The following GRM7 variants were observed in gnomAD, a reference collection of about 807,000 sequenced individuals.
The protein encoded by GRM7 is glutamate metabotropic receptor 7, also known as metabotropic glutamate receptor 7.
A neutral mutation model predicts 84.5 loss-of-function variants in GRM7; 35 were observed. That is an observed-to-expected ratio of 0.41 (90% CI 0.32 to 0.55). The LOEUF (loss-of-function observed/expected upper bound fraction) is 0.55. Ranked by LOEUF, GRM7 falls within the 20% of genes least tolerant of loss-of-function variation. GRM7 has a pLI of 0.19. For missense variants in GRM7, 1,003 were observed against 1,194.6 expected (o/e 0.84, Z 2.36); for synonymous variants, 487 against 455.1 (o/e 1.07, Z -0.89).
chr3:7,304,960 G>C (rs142886163), intron 3 of GRM7, among the ~76,000 whole-genome samples: 21 of 152,068 alleles, frequency 1.4e-4, no homozygotes, highest in Admixed American at 1.3e-4. Flanking sequence ...CTGTGCCCAC[G>C]GGCAGTGCAT....
chr3:7,230,614 C>T (rs757895357), intron 2 of GRM7, among the ~76,000 whole-genome samples: 2 of 152,100 alleles, frequency 1.3e-5, no homozygotes, highest in Non-Finnish European at 2.9e-5. Context: ...TAAGTAGAAA[C>T]TAGGGCATAG....
At chr3:7,662,153 ATAG>A (rs1326219065) in intron 8 of GRM7, among the ~76,000 whole-genome samples, 1 of 152,264 alleles carries the variant, frequency 6.6e-6, no homozygotes, top group Non-Finnish European at 1.5e-5. Context: ...GAGACAAAAA[ATAG>A]TAGTTATCAT....
chr3:6,936,387 G>T (rs772267170), intron 1 of GRM7, among the ~76,000 whole-genome samples: 1 of 152,130 alleles, frequency 6.6e-6, no homozygotes, highest in Non-Finnish European at 1.5e-5. Context: ...CAGTTGTACC[G>T]GTGTGGCACC....
intron 7 of GRM7, among the ~76,000 whole-genome samples, chr3:7,547,063 A>G (rs954219209): frequency 1.3e-5 from 2 of 152,110 alleles, no homozygotes; most frequent in African/African-American, 4.8e-5. Context: ...CCCAAGGCCT[A>G]AACTAGGACG....
chr3:7,230,326 T>C (rs1002777329), intron 2 of GRM7, among the ~76,000 whole-genome samples: 1 of 152,124 alleles, frequency 6.6e-6, no homozygotes, highest in South Asian at 2.1e-4. Context: ...ATGCTTATTG[T>C]TTTGTAGGAA....
chr3:7,133,508 C>T (rs1693671224), intron 1 of GRM7, among the ~76,000 whole-genome samples: 1 of 152,204 alleles, frequency 6.6e-6, no homozygotes, highest in South Asian at 2.1e-4. Context: ...CAAAGCATTA[C>T]CTAGCCCAAA....
intron 7 of GRM7, among the ~76,000 whole-genome samples, chr3:7,538,434 T>C (rs779744): frequency 0.62 from 93,548 of 152,102 alleles, 29,777 homozygotes; most frequent in African/African-American, 0.79. Flanking sequence ...TTGATACTCA[T>C]GACTTTGTCT....
At chr3:7,614,668 C>T (rs1321375152) in intron 8 of GRM7, among the ~76,000 whole-genome samples, 2 of 152,142 alleles carry the variant, frequency 1.3e-5, no homozygotes, top group African/African-American at 4.8e-5. Flanking sequence ...TTTTTCTCTT[C>T]CACATTAACC....
chr3:7,447,012 G>A (rs1261924758), intron 5 of GRM7, among the ~76,000 whole-genome samples: 1 of 151,462 alleles, frequency 6.6e-6, no homozygotes, highest in Non-Finnish European at 1.5e-5. Context: ...TCAACAGAAG[G>A]TTAAAAGAGT....
At chr3:7,120,701 A>C (rs1020773502) in intron 1 of GRM7, among the ~76,000 whole-genome samples, 4 of 152,158 alleles carry the variant, frequency 2.6e-5, no homozygotes, top group African/African-American at 7.2e-5. Flanking sequence ...AACCAACAAC[A>C]ATCACAAATG....
At chr3:7,008,623 C>A (rs1695259754) in intron 1 of GRM7, among the ~76,000 whole-genome samples, 1 of 152,158 alleles carries the variant, frequency 6.6e-6, no homozygotes, top group Non-Finnish European at 1.5e-5. Flanking sequence ...AAGAAGAAAA[C>A]AACTTGATGA....
At chr3:7,000,497 C>T (rs1694976563) in intron 1 of GRM7, among the ~76,000 whole-genome samples, 1 of 152,002 alleles carries the variant, frequency 6.6e-6, no homozygotes, top group East Asian at 1.9e-4. Context: ...GAGCATGTGA[C>T]ATTTTTAAAA....
intron 1 of GRM7, among the ~76,000 whole-genome samples, chr3:6,966,967 AATG>A (rs1237034515): frequency 1.3e-5 from 2 of 152,144 alleles, no homozygotes; most frequent in Non-Finnish European, 2.9e-5. Flanking sequence ...CTTACAAAAT[AATG>A]ATGAAGATTA....
At chr3:7,420,351 T>C (rs973446269) in intron 5 of GRM7, among the ~76,000 whole-genome samples, 2 of 152,202 alleles carry the variant, frequency 1.3e-5, no homozygotes, top group Non-Finnish European at 2.9e-5. Context: ...AGATGTTTTA[T>C]TGCAGCACCT....
intron 1 of GRM7, among the ~76,000 whole-genome samples, chr3:6,883,360 A>C (rs1475891426): frequency 6.6e-6 from 1 of 152,114 alleles, no homozygotes; most frequent in Non-Finnish European, 1.5e-5. Flanking sequence ...GAAATTCTTT[A>C]ATATTGTCTA....
chr3:7,064,420 T>C (rs1345645271), intron 1 of GRM7, among the ~76,000 whole-genome samples: 1 of 142,386 alleles, frequency 7.0e-6, no homozygotes, highest in Non-Finnish European at 1.5e-5. Context: ...TAAATCACTC[T>C]TTTTATGGCT....
chr3:6,937,129 G>A (rs1326473229), intron 1 of GRM7, among the ~76,000 whole-genome samples: 13 of 152,136 alleles, frequency 8.5e-5, no homozygotes, highest in Non-Finnish European at 1.9e-4. Context: ...GCAGGAATTC[G>A]AAAAGTCTCT....
intron 2 of GRM7, among the ~76,000 whole-genome samples, chr3:7,251,980 A>T (rs1164660592): frequency 2.0e-5 from 3 of 152,180 alleles, no homozygotes; most frequent in Non-Finnish European, 2.9e-5. Flanking sequence ...AATTATTAGG[A>T]GTAATATTTA....
intron 4 of GRM7, among the ~76,000 whole-genome samples, chr3:7,389,213 G>A (rs150298507): frequency 3.0e-4 from 45 of 152,148 alleles, no homozygotes; most frequent in African/African-American, 1.0e-3. Context: ...ATTGATTTTG[G>A]TATTTATTGC....
Sources: gnomAD v4.1 joint callset for allele counts (sites outside exome capture counted in the v4.1 genomes callset) on GRCh38, gnomAD v4.1.1 for gene constraint, MANE v1.5 for transcripts, NCBI Gene and HGNC (gene_info 2026-07-23, HGNC 2026-07-21) for gene names.